The following SERINC5 variants were observed in gnomAD, a reference collection of about 807,000 sequenced individuals.
The protein encoded by SERINC5 is serine incorporator 5.
Under a neutral mutation model 63.1 loss-of-function variants are expected in SERINC5, and 41 were observed. The ratio of observed to expected loss-of-function variants is 0.65; its 90% confidence interval spans 0.51 to 0.84. SERINC5 has a LOEUF of 0.84. Among genes scored for constraint, SERINC5 ranks in the 40% least tolerant of loss-of-function variants. The pLI is 0.00. For synonymous variants in SERINC5, 222 were observed against 215.2 expected, an observed-to-expected ratio of 1.03 and a Z score of -0.28; for missense variants, 523 against 573.0, an observed-to-expected ratio of 0.91 and a Z score of 0.89.
At position 80,243,973 on chromosome 5, in the gene SERINC5, C is replaced by T. The variant is rs570527859; in HGVS notation, c.27+11923G>A. Reference sequence around the variant, plus strand: ...AGAAAAAAGGGGATGGAGGGCTACCCTTGGACTCGATTTTGGCAGAACTTA... The same window carrying T: ...AGAAAAAAGGGGATGGAGGGCTACCTTTGGACTCGATTTTGGCAGAACTTA... On this transcript the variant is annotated intron_variant, in intron 1 of 11. Coordinates refer to ENST00000507668, the MANE Select transcript of SERINC5 (RefSeq NM_001174072.3). Among the ~76,000 whole-genome samples, 13 of 152,056 alleles carry T rather than the reference C, an allele frequency of 8.5e-5. No individual in the cohort carries two copies. In the South Asian group the frequency reaches 2.7e-3, roughly 32 times the overall value.
intron 1 of SERINC5, among the ~76,000 whole-genome samples, chr5:80,227,311 C>A (rs1363359950): frequency 6.6e-6 from 1 of 152,050 alleles, no homozygotes; most frequent in Admixed American, 6.6e-5. Flanking sequence ...AAAGGAAAAA[C>A]GAATTCCATT....
At chr5:80,202,476 G>A (rs989276720) in intron 2 of SERINC5, among the ~76,000 whole-genome samples, 2 of 152,076 alleles carry the variant, frequency 1.3e-5, no homozygotes, top group African/African-American at 4.8e-5. Context: ...GGAAGGGGGT[G>A]GATGATGAGA....
intron 2 of SERINC5, among the ~76,000 whole-genome samples, chr5:80,197,584 C>A (rs905111440): frequency 2.6e-5 from 4 of 152,124 alleles, no homozygotes; most frequent in Non-Finnish European, 5.9e-5. Flanking sequence ...ATTGGCCTGG[C>A]ACATTGAGCT....
At chr5:80,228,251 G>T (rs1310737309) in intron 1 of SERINC5, among the ~76,000 whole-genome samples, 3 of 115,610 alleles carry the variant, frequency 2.6e-5, no homozygotes, top group Non-Finnish European at 5.4e-5. Flanking sequence ...GGAGGGAAAG[G>T]AGGGAGGGAA....
intron 2 of SERINC5, among the ~76,000 whole-genome samples, chr5:80,186,345 C>T (rs1748807417): frequency 6.6e-6 from 1 of 151,996 alleles, no homozygotes; most frequent in Non-Finnish European, 1.5e-5. Flanking sequence ...ACTATGTTGG[C>T]CAGGCTGGTC....
chr5:80,135,184 C>T (rs1449803326), downstream of SERINC5, among the ~76,000 whole-genome samples: 1 of 152,152 alleles, frequency 6.6e-6, no homozygotes, highest in African/African-American at 2.4e-5. Context: ...TAGGCACATG[C>T]CACCAAGCCC....
intron 2 of SERINC5, among the ~76,000 whole-genome samples, chr5:80,201,331 G>A (rs1749823464): frequency 6.6e-6 from 1 of 152,128 alleles, no homozygotes; most frequent in African/African-American, 2.4e-5. Context: ...GGATAGCAAG[G>A]CTTTCTTCTC....
intron 1 of SERINC5, among the ~76,000 whole-genome samples, chr5:80,212,689 TC>T (rs1750492786): frequency 6.9e-6 from 1 of 144,166 alleles, no homozygotes; most frequent in African/African-American, 2.7e-5. Context: ...TGGTAAACCC[TC>T]CCTCTTGGCA....
chr5:80,198,285 G>A (rs1479978651), intron 2 of SERINC5, among the ~76,000 whole-genome samples: 1 of 152,126 alleles, frequency 6.6e-6, no homozygotes, highest in East Asian at 1.9e-4. Flanking sequence ...ACAGAATCAT[G>A]CCTTATTCAA....
rs186750067 is a variant in SERINC5 at position 80,213,111 on chromosome 5, T to C, written c.28-10058A>G. Among the ~76,000 whole-genome samples the C allele has an allele frequency of 3.2e-4, 48 of 151,946 alleles. No homozygotes were observed. In the South Asian group the frequency reaches 7.5e-3, roughly 24 times the overall value. ...AATACAAAAAATTAGCTGGATGTGG[T>C]GGTGGGTGCTTGTAATCCCAGCTAC... On this transcript the variant is annotated intron_variant, in intron 1 of 11. Coordinates refer to ENST00000507668, the MANE Select transcript of SERINC5 (RefSeq NM_001174072.3).
chr5:80,168,013 C>T (rs1219619898), intron 6 of SERINC5, among the ~76,000 whole-genome samples: 1 of 152,128 alleles, frequency 6.6e-6, no homozygotes, highest in Non-Finnish European at 1.5e-5. Flanking sequence ...TGGTATTAAA[C>T]CAAGTATTTC....
chr5:80,126,487 C>T (rs1286542797), intron 11 of SERINC5, among the ~76,000 whole-genome samples: 1 of 152,224 alleles, frequency 6.6e-6, no homozygotes, highest in East Asian at 1.9e-4. Flanking sequence ...CCAACATTCA[C>T]TTACTGATTT....
chr5:80,112,524 C>T (rs1376239728), intron 12 of SERINC5, among the ~76,000 whole-genome samples: 1 of 152,120 alleles, frequency 6.6e-6, no homozygotes, highest in Non-Finnish European at 1.5e-5. Context: ...CCTCCGTATG[C>T]TGAGCGCCAG....
chr5:80,145,952 G>A, intron 11 of SERINC5, 138 bp downstream of exon 11: 1 of 823,312 alleles, frequency 1.2e-6, no homozygotes, highest in Non-Finnish European at 1.9e-6. Context: ...AGAGGTTGCA[G>A]TGAGCCAGGA....
intron 1 of SERINC5, among the ~76,000 whole-genome samples, chr5:80,217,753 T>A (rs1196737957): frequency 2.0e-5 from 3 of 152,204 alleles, no homozygotes; most frequent in Admixed American, 1.3e-4. Flanking sequence ...GTGGATTTTT[T>A]AATCAAACTC....
At chr5:80,175,986 C>T (rs1237087015) in intron 4 of SERINC5, among the ~76,000 whole-genome samples, 2 of 151,784 alleles carry the variant, frequency 1.3e-5, no homozygotes, top group African/African-American at 2.4e-5. Flanking sequence ...TGAGACCAGA[C>T]TGGCCAATAT....
intron 2 of SERINC5, among the ~76,000 whole-genome samples, chr5:80,191,906 T>G (rs552390980): frequency 1.3e-5 from 2 of 152,212 alleles, no homozygotes; most frequent in African/African-American, 4.8e-5. Flanking sequence ...ACGTTTCCCT[T>G]TTGAGAGAGA....
rs140984952 is a variant in SERINC5, at chr5:80,157,117, G to A, written c.986+1719C>T. ...AAGCAATTCTCCAGCCTCAGCCTCC[G>A]GAGTAGGTGGGATTACAGGTGCATA... is the stretch of plus-strand genomic sequence containing the variant. On this transcript the variant is annotated intron_variant, in intron 8 of 11. Coordinates refer to ENST00000507668, the MANE Select transcript of SERINC5 (RefSeq NM_001174072.3). 1,396 of 149,108 alleles carry A rather than the reference G, an allele frequency of 9.4e-3. 10 individuals are homozygous for A. The highest frequency in any genetic ancestry group is 0.015 in the Non-Finnish European group (1,019 of 67,530). 9.2% of individuals were successfully genotyped at this position (149,108 alleles called of 1,614,324 possible).
chr5:80,191,490 A>AG lies in SERINC5; in HGVS notation c.195+11395_195+11396insC, dbSNP rs1291604165. Among the ~76,000 whole-genome samples, 175 of 102,880 alleles carry AG rather than the reference A, an allele frequency of 1.7e-3. 2 individuals carry two copies. The highest frequency in any genetic ancestry group is 5.3e-3 in the African/African-American group (162 of 30,318). The allele number at this position is 102,880 out of a possible 152,430, so 67.5% of individuals were successfully genotyped here. A position where few individuals can be genotyped will look rare whatever the true frequency, so the allele number is the denominator to read the frequency against. ...AGACTCCATCTCTACAAAAAAAAAA[A>AG]AAAAAGAAAAAAAAAAAAGAAAAAT... On this transcript the variant is annotated intron_variant, in intron 2 of 11. Coordinates refer to ENST00000507668, the MANE Select transcript of SERINC5 (RefSeq NM_001174072.3).
Sources: allele counts gnomAD v4.1 joint callset (sites outside exome capture counted in the v4.1 genomes callset), GRCh38; gene constraint gnomAD v4.1.1; transcripts MANE v1.5; gene names NCBI Gene and HGNC (gene_info 2026-07-23, HGNC 2026-07-21).